VGLL4: variants seen among roughly 807,000 people sequenced by gnomAD.
VGLL4 encodes transcription cofactor vestigial-like protein 4.
VGLL4 carries 7 observed loss-of-function variants against 21.0 expected under a neutral mutation model. The ratio of observed to expected loss-of-function variants is 0.33; its 90% CI spans 0.19 to 0.63. The LOEUF (loss-of-function observed/expected upper bound fraction) is 0.63, where lower values mean the gene tolerates loss of function less well. Ranked by LOEUF, VGLL4 falls within the 20% of genes least tolerant of loss-of-function variation. The probability of loss-of-function intolerance (pLI) is 0.78; values close to 1 mark genes in which losing one functional copy is unlikely to be tolerated. For synonymous variants in VGLL4, 222 were observed against 173.2 expected (o/e 1.28, Z -2.21); for missense variants, 394 against 425.7 (o/e 0.93, Z 0.66).
intron 2 of VGLL4, among the ~76,000 whole-genome samples, chr3:11,669,367 G>C (rs996957221): frequency 2.0e-5 from 3 of 152,194 alleles, no homozygotes; most frequent in Admixed American, 2.0e-4. Flanking sequence ...GTGCGACAGA[G>C]TAAGACCCCG....
At chr3:11,562,257 C>T (rs2073091655) in intron 3 of VGLL4, among the ~76,000 whole-genome samples, 1 of 152,122 alleles carries the variant, frequency 6.6e-6, no homozygotes, top group Admixed American at 6.5e-5. Context: ...CCAAGGCCAC[C>T]CTCTTGGTGT....
chr3:11,704,383 C>CAAAAAAAAAAAAAAA (rs57593843), intron 1 of VGLL4, among the ~76,000 whole-genome samples: 4 of 69,148 alleles, frequency 5.8e-5, no homozygotes, highest in South Asian at 5.3e-4. Flanking sequence ...AACTCCGTCT[C>CAAAAAAAAAAAAAAA]AAAAAAAAAA....
chr3:11,578,909 C>T (rs1050364518), intron 2 of VGLL4, among the ~76,000 whole-genome samples: 1 of 151,870 alleles, frequency 6.6e-6, no homozygotes, highest in African/African-American at 2.4e-5. Flanking sequence ...GCCACCACGC[C>T]CGGCTAATTT....
At chr3:11,693,405 G>A (rs1010509749) in intron 2 of VGLL4, among the ~76,000 whole-genome samples, 4 of 152,130 alleles carry the variant, frequency 2.6e-5, no homozygotes, top group African/African-American at 9.7e-5. Context: ...TAGACGATTG[G>A]AATACAAAAG....
intron 1 of VGLL4, among the ~76,000 whole-genome samples, chr3:11,626,853 T>G (rs1010191146): frequency 4.7e-5 from 7 of 149,354 alleles, no homozygotes; most frequent in Non-Finnish European, 1.0e-4. Context: ...GGATCTCAAA[T>G]CATGTGCACA....
chr3:11,662,252 G>A (rs1168977766), intron 2 of VGLL4, among the ~76,000 whole-genome samples: 3 of 152,140 alleles, frequency 2.0e-5, no homozygotes, highest in African/African-American at 7.2e-5. Flanking sequence ...AAGCCCACCA[G>A]ACCTTCAGAC....
chr3:11,600,292 T>C (rs1018129451), intron 2 of VGLL4, among the ~76,000 whole-genome samples: 2 of 152,104 alleles, frequency 1.3e-5, no homozygotes, highest in Middle Eastern at 3.4e-3. Context: ...ACAGCTGTTG[T>C]GTGGCAGAAT....
intron 1 of VGLL4, among the ~76,000 whole-genome samples, chr3:11,628,458 A>C (rs2075401683): frequency 6.6e-6 from 1 of 152,350 alleles, no homozygotes; most frequent in African/African-American, 2.4e-5. Flanking sequence ...GTGTTGACTA[A>C]AAAATAAAAT....
chr3:11,705,107 T>C (rs767249371), intron 1 of VGLL4, among the ~76,000 whole-genome samples: 11 of 152,192 alleles, frequency 7.2e-5, no homozygotes, highest in Non-Finnish European at 4.4e-5. Flanking sequence ...AGGGCTTCGA[T>C]GGGACCGCGG....
At chr3:11,625,565 A>G (rs2075336507) in intron 1 of VGLL4, among the ~76,000 whole-genome samples, 1 of 152,200 alleles carries the variant, frequency 6.6e-6, no homozygotes, top group African/African-American at 2.4e-5. Context: ...GGACCATGAC[A>G]TTTTGCTGGG....
chr3:11,564,872 T>C lies in VGLL4; in HGVS notation c.420A>G (p.Ala140=). Residue 140 remains alanine, a synonymous_variant, in exon 3 of 5, where the codon GCA becomes GCG. Transcript: ENST00000430365. The part of the protein sequence containing the change: ...LPSLGLEQPL[A]LTKNSLDASR... ...TGGCGTCCAGGCTGTTCTTGGTCAG[T>C]GCGAGGGGCTGCTCCAGGCCAAGGC... 1 of 1,608,614 alleles carries C rather than the reference T, an allele frequency of 6.2e-7. No homozygotes were observed. Among genetic ancestry groups the C allele is most frequent in the Non-Finnish European group, 8.5e-7 (1 of 1,178,338 alleles).
intron 2 of VGLL4, among the ~76,000 whole-genome samples, chr3:11,573,035 G>T (rs913240885): frequency 2.0e-5 from 3 of 151,644 alleles, no homozygotes; most frequent in African/African-American, 4.8e-5. Context: ...GCTTGGTGGT[G>T]GGCGCCTGTA....
At chr3:11,619,599 G>A (rs2075226671) in intron 1 of VGLL4, among the ~76,000 whole-genome samples, 1 of 152,308 alleles carries the variant, frequency 6.6e-6, no homozygotes, top group South Asian at 2.1e-4. Flanking sequence ...GACGCGGAAG[G>A]GCGGTCAAAC....
At chr3:11,655,398 C>G (rs772319171) in intron 2 of VGLL4, among the ~76,000 whole-genome samples, 1 of 152,132 alleles carries the variant, frequency 6.6e-6, no homozygotes, top group Non-Finnish European at 1.5e-5. Flanking sequence ...TAGGGGGCGA[C>G]GTGAGCCCAC....
At chr3:11,578,825 T>C (rs1446771067) in intron 2 of VGLL4, among the ~76,000 whole-genome samples, 3 of 141,018 alleles carry the variant, frequency 2.1e-5, no homozygotes, top group Non-Finnish European at 3.0e-5. Flanking sequence ...TCTCTGCTCA[T>C]CGCAAGCTCC....
At chr3:11,646,104 T>C (rs1039491122), upstream of VGLL4, among the ~76,000 whole-genome samples, 4 of 152,200 alleles carry the variant, frequency 2.6e-5, no homozygotes, top group Non-Finnish European at 5.9e-5. Flanking sequence ...TTCACAAGCT[T>C]TCATTTATAA....
At chr3:11,601,433 G>A (rs2074794972) in intron 2 of VGLL4, among the ~76,000 whole-genome samples, 1 of 152,184 alleles carries the variant, frequency 6.6e-6, no homozygotes, top group Admixed American at 6.5e-5. Flanking sequence ...TCAAAAAGGT[G>A]CTGAGCTTCC....
At chr3:11,577,381 G>A (rs1185923294) in intron 2 of VGLL4, among the ~76,000 whole-genome samples, 1 of 152,166 alleles carries the variant, frequency 6.6e-6, no homozygotes, top group Non-Finnish European at 1.5e-5. Flanking sequence ...CAGATCACTT[G>A]AGGCCAGGAG....
chr3:11,614,627 T>C (rs949505200), intron 1 of VGLL4, among the ~76,000 whole-genome samples: 1 of 152,198 alleles, frequency 6.6e-6, no homozygotes. Flanking sequence ...CCCACGGAAA[T>C]TCATTAACTC....
Sources: allele counts gnomAD v4.1 joint callset (sites outside exome capture counted in the v4.1 genomes callset), GRCh38; gene constraint gnomAD v4.1.1; transcripts MANE v1.5; gene names NCBI Gene and HGNC (gene_info 2026-07-23, HGNC 2026-07-21).